CD5: variants seen among roughly 807,000 people sequenced by gnomAD.
CD5 encodes the protein T-cell surface glycoprotein CD5.
CD5 carries 36 observed loss-of-function variants against 60.3 expected under a neutral mutation model. The ratio of observed to expected loss-of-function variants is 0.60; its 90% CI spans 0.46 to 0.79. The LOEUF is 0.79. CD5 is among the 30% of genes least tolerant of loss of function. CD5 has a pLI of 0.00. For missense variants in CD5, 540 were observed against 630.6 expected (o/e 0.86, Z 1.54); for synonymous variants, 230 against 257.6 (o/e 0.89, Z 1.03).
chr11:61,124,919 T>C, intron 8 of CD5, 113 bp from the exon 9 acceptor site: 1 of 1,329,980 alleles, frequency 7.5e-7, no homozygotes, highest in Non-Finnish European at 1.0e-6. Flanking sequence ...GGTGCCTTTG[T>C]CCTCTCCCCG....
intron 8 of CD5, among the ~76,000 whole-genome samples, 168 bp downstream of exon 8, chr11:61,124,105 A>G (rs1590776402): frequency 6.6e-6 from 1 of 152,110 alleles, no homozygotes; most frequent in Non-Finnish European, 1.5e-5. Context: ...TCCCCACACC[A>G]GGGAGGGCGG....
intron 1 of CD5, among the ~76,000 whole-genome samples, chr11:61,105,669 A>G (rs746695718): frequency 3.3e-5 from 5 of 152,290 alleles, no homozygotes; most frequent in Middle Eastern, 6.8e-3. Flanking sequence ...TGCACAGGCT[A>G]TTTATTCACT....
intron 8 of CD5, 126 bp downstream of exon 8, chr11:61,124,063 C>A: frequency 1.3e-6 from 1 of 753,132 alleles, no homozygotes; most frequent in South Asian, 1.6e-5. Context: ...CTCCACGGTG[C>A]TTGTCTGACA....
At chr11:61,117,495 T>A (rs1028176523) in intron 2 of CD5, among the ~76,000 whole-genome samples, 10 of 147,096 alleles carry the variant, frequency 6.8e-5, no homozygotes, top group South Asian at 6.7e-4. Context: ...CTCAATAAAA[T>A]TTTTTTTTTT....
chr11:61,096,704 G>C, the CD5 span, among the ~76,000 whole-genome samples: 1 of 152,132 alleles, frequency 6.6e-6, no homozygotes, highest in Non-Finnish European at 1.5e-5. Flanking sequence ...TGGCCCTTAC[G>C]GTCCCCCGGG....
intron 1 of CD5, among the ~76,000 whole-genome samples, chr11:61,102,970 T>C (rs1248863621): frequency 6.6e-6 from 1 of 152,202 alleles, no homozygotes; most frequent in Non-Finnish European, 1.5e-5. Flanking sequence ...GGCCTCCCTC[T>C]GCGAGGTCCC....
chr11:61,125,002 G>A (rs748404275), intron 8 of CD5, 30 bp from the exon 9 acceptor site: 1 of 1,613,772 alleles, frequency 6.2e-7, no homozygotes, highest in Non-Finnish European at 8.5e-7. Flanking sequence ...ACAGCCACAA[G>A]TCTGACACTG....
At chr11:61,102,210 G>A (rs1024094006), upstream of CD5, among the ~76,000 whole-genome samples, 2 of 152,138 alleles carry the variant, frequency 1.3e-5, no homozygotes, top group African/African-American at 2.4e-5. Context: ...TTCAGCCTCC[G>A]TAACCCCCGC....
rs1387125809 is a variant in CD5 at position 61,102,551 on chromosome 11, G to T, written c.-10G>T. The T allele has an allele frequency of 5.1e-6, 8 of 1,576,070 alleles. No homozygotes were observed. In the East Asian group the frequency reaches 1.9e-4, roughly 37 times the overall value. Reference sequence around the variant, plus strand: ...GCTGCCCAGGCTGAGGCAAGAGAAGGCCAGAAACCATGCCCATGGGGTCTC... The same window carrying T: ...GCTGCCCAGGCTGAGGCAAGAGAAGTCCAGAAACCATGCCCATGGGGTCTC... On this transcript the variant is annotated 5_prime_UTR_variant, in exon 1 of 11. Transcript: ENST00000347785.
At chr11:61,097,305 G>C in the CD5 span, among the ~76,000 whole-genome samples, 1 of 152,140 alleles carries the variant, frequency 6.6e-6, no homozygotes, top group East Asian at 1.9e-4. Context: ...GAATCACCCT[G>C]ATAATTTCTG....
intron 9 of CD5, among the ~76,000 whole-genome samples, 159 bp from the exon 10 acceptor site, chr11:61,125,592 T>C (rs1204210110): frequency 1.3e-5 from 2 of 152,156 alleles, no homozygotes; most frequent in Admixed American, 6.5e-5. Flanking sequence ...TCAGCATCAT[T>C]AGTGAACGTT....
rs115811186 is a variant in CD5, at chr11:61,109,725, G to A, written c.56-5331G>A. On this transcript the variant is annotated intron_variant, in intron 1 of 10. Coordinates refer to ENST00000347785, the MANE Select transcript of CD5 (RefSeq NM_014207.4). ...ATTGTCTCTGCCAATGCAAAGACAA[G>A]AGACGGGAGCTCCAGGGGTGTGATA... Among the ~76,000 whole-genome samples the A allele has an allele frequency of 5.6e-3, 858 of 152,210 alleles. 9 individuals carry two copies. The highest frequency in any genetic ancestry group is 0.02 in the African/African-American group (821 of 41,530).
rs975432761 is a variant in CD5 at position 61,126,314 on chromosome 11, A to G, written c.*29A>G. 6 of 153,146 alleles carry G rather than the reference A, an allele frequency of 3.9e-5. No individual in the cohort carries two copies. The highest frequency in any genetic ancestry group is 1.2e-4 in the African/African-American group (5 of 41,498). 9.5% of individuals were successfully genotyped at this position (153,146 alleles called of 1,614,324 possible). A position where few individuals can be genotyped will look rare whatever the true frequency, so the allele number is the denominator to read the frequency against. ...ACTGGGATCCATGAGCAAAAAGCCG[A>G]GAGCCAGACCTGTTTGTCCTGAGAA... On this transcript the variant is annotated 3_prime_UTR_variant, in exon 11 of 11. Coordinates refer to ENST00000347785, the MANE Select transcript of CD5 (RefSeq NM_014207.4).
chr11:61,099,984 A>ACT (rs1326066654), upstream of CD5, among the ~76,000 whole-genome samples: 5 of 151,562 alleles, frequency 3.3e-5, no homozygotes, highest in Non-Finnish European at 5.9e-5. Flanking sequence ...ACATTCACAC[A>ACT]CATCAACATG....
chr11:61,118,929 A>C lies in CD5; in HGVS notation c.415A>C (p.Thr139Pro), dbSNP rs1861006660. ...GLTCLEPQKT[T>P]PPTTRPPPTT... The stretch of plus-strand genomic sequence containing the variant: ...TCTCATTGCAGAACCCCAGAAGACA[A>C]CACCTCCAACGACAAGGCCCCCGCC... The change falls in exon 4 of 11, where the codon ACA becomes CCA. Residue 139 changes from threonine (T) to proline (P), a missense_variant. Thr to Pro is a conservative substitution (Grantham distance 38). Coordinates refer to ENST00000347785, the MANE Select transcript of CD5 (RefSeq NM_014207.4). The surrounding 1 kb of genome is among the most constrained non-coding windows in gnomAD (Gnocchi z 4.7). 1 of 1,613,650 alleles carries C rather than the reference A, an allele frequency of 6.2e-7. No homozygotes were observed. Among genetic ancestry groups the C allele is most frequent in the African/African-American group, 1.3e-5 (1 of 74,826 alleles).
chr11:61,118,574 G>C lies in CD5; in HGVS notation c.400+94G>C. ...CTGTGATCTAGGGTCTGAGCAGGCT[G>C]GTGGAAGGGGTGGGGGGACCCCAGT... is the stretch of plus-strand genomic sequence containing the variant. On this transcript the variant is annotated intron_variant, in intron 3 of 10. Transcript: ENST00000347785. This position sits in a 1 kb window ranked among gnomAD's most constrained non-coding sequence, Gnocchi z 4.7. 7.7e-7 allele frequency: 1 copy of C among 1,297,508 alleles called. No homozygotes were observed. Among genetic ancestry groups the C allele is most frequent in the Non-Finnish European group, 1.1e-6 (1 of 933,054 alleles). 80.4% of individuals were successfully genotyped at this position (1,297,508 alleles called of 1,614,324 possible).
upstream of CD5, among the ~76,000 whole-genome samples, chr11:61,100,579 T>TCA (rs1207380106): frequency 1.5e-5 from 1 of 68,568 alleles, no homozygotes; most frequent in African/African-American, 7.5e-5. Context: ...AACATGGAGA[T>TCA]CACACACACA....
In CD5 at chr11:61,108,527, C is replaced by T. The variant is rs559482630; in HGVS notation, c.55+5912C>T. Among the ~76,000 whole-genome samples the T allele has an allele frequency of 3.3e-5, 5 of 152,326 alleles. No individual in the cohort carries two copies. The East Asian group carries it at 7.7e-4, about 23-fold the overall frequency. On this transcript the variant is annotated intron_variant, in intron 1 of 10. Transcript: ENST00000347785. ...GGGAATTTTGGTCCTTTACGACCTT[C>T]GTTTCCCTAAAGCCCTGATACAGCT...
intron 5 of CD5, among the ~76,000 whole-genome samples, chr11:61,120,039 C>G (rs1443755700): frequency 1.3e-5 from 2 of 152,050 alleles, no homozygotes; most frequent in Non-Finnish European, 2.9e-5. Context: ...GCCCGGGAGT[C>G]AGAGGACAGC....
Sources: allele counts gnomAD v4.1 joint callset (sites outside exome capture counted in the v4.1 genomes callset), GRCh38; gene constraint gnomAD v4.1.1; non-coding constraint Gnocchi (gnomAD v3.1); transcripts MANE v1.5; gene names NCBI Gene and HGNC (gene_info 2026-07-23, HGNC 2026-07-21).